The following KLLN variants were observed in gnomAD, a reference collection of about 807,000 sequenced individuals.
KLLN encodes the protein killin.
For missense variants in KLLN, 340 were observed against 241.3 expected, an observed-to-expected ratio of 1.41 and a Z score of -2.71; for synonymous variants, 142 against 102.2, an observed-to-expected ratio of 1.39 and a Z score of -2.35.
At position 87,862,440 on chromosome 10, in the gene KLLN, G is replaced by A. The variant is rs1280113902; in HGVS notation, c.48C>T (p.His16=). Residue 16 remains histidine, a synonymous_variant, in exon 1 of 1, where the codon CAC becomes CAT. Transcript: ENST00000445946. ...PGSARPGRTV[H]VWGYRVEWKV... ...TCCACTCAACCCGGTAACCCCAAAC[G>A]TGCACGGTCCGGCCGGGGCGCGCGG... is the stretch of plus-strand genomic sequence containing the variant. 16 of 1,551,248 alleles carry A rather than the reference G, an allele frequency of 1.0e-5. No homozygotes were observed. The highest frequency in any genetic ancestry group is 1.4e-5 in the Non-Finnish European group (16 of 1,146,852).
rs1244675683 is a variant in KLLN, at chr10:87,862,172, G to T, written c.316C>A (p.Pro106Thr). Residue 106 changes from proline (P) to threonine (T), a missense_variant, in exon 1 of 1, where the codon CCT (proline) becomes ACT (threonine). Pro to Thr is a conservative substitution (Grantham distance 38). Transcript: ENST00000445946. Reference protein sequence around the residue: ...LAWCRQRNPNPSCAAAETGAR... With the variant: ...LAWCRQRNPNTSCAAAETGAR... The stretch of plus-strand genomic sequence containing the variant: ...CCTGTTTCCGCCGCGGCGCAGGAAG[G>T]GTTGGGGTTCCGCTGCCTGCACCAG... 2 of 1,551,644 alleles carry T rather than the reference G, an allele frequency of 1.3e-6. No homozygotes were observed. Among genetic ancestry groups the T allele is most frequent in the East Asian group, 2.4e-5 (1 of 40,918 alleles).
At position 87,859,277 on chromosome 10, in the gene KLLN, GATT is replaced by G. The variant is rs936697394; in HGVS notation, c.*2671_*2673del. Reference sequence around the variant, plus strand: ...ACAATGGGTTTACATTCAATCCAATGATTATTATGTTTTTATATTCTGTATTAT... The same window carrying G: ...ACAATGGGTTTACATTCAATCCAATGATTATGTTTTTATATTCTGTATTAT... On this transcript the variant is annotated 3_prime_UTR_variant, in exon 1 of 1. Coordinates refer to ENST00000445946, the MANE Select transcript of KLLN (RefSeq NM_001126049.2). 46 of 152,116 alleles carry G rather than the reference GATT, an allele frequency of 3.0e-4. No individual in the cohort carries two copies. The highest frequency in any genetic ancestry group is 1.1e-3 in the African/African-American group (45 of 41,386). 9.4% of individuals were successfully genotyped at this position (152,116 alleles called of 1,614,324 possible). A position where few individuals can be genotyped will look rare whatever the true frequency, so the allele number is the denominator to read the frequency against.
rs1858300840 is a variant in KLLN at position 87,862,716 on chromosome 10, C to A, written c.-229G>T. 1 of 580,022 alleles carries A rather than the reference C, an allele frequency of 1.7e-6. No individual in the cohort carries two copies. Among genetic ancestry groups the A allele is most frequent in the Non-Finnish European group, 3.2e-6 (1 of 316,666 alleles). The allele number at this position is 580,022 out of a possible 1,614,324, so 35.9% of individuals were successfully genotyped here. On this transcript the variant is annotated 5_prime_UTR_variant, in exon 1 of 1. The change abolishes the stop of an existing upstream ORF in the 5' untranslated region. Transcript: ENST00000445946. ...CCTTTGGGCCCTTGAAATTCAACGG[C>A]TATGTGTTCACGTTCAGCACGCTCG...
In KLLN at chr10:87,863,165, T is replaced by A. The variant is rs938398318; in HGVS notation, c.-678A>T. 1 of 183,052 alleles carries A rather than the reference T, an allele frequency of 5.5e-6. No homozygotes were observed. The highest frequency in any genetic ancestry group is 2.4e-5 in the African/African-American group (1 of 41,928). The allele number at this position is 183,052 out of a possible 1,614,324, so 11.3% of individuals were successfully genotyped here. On this transcript the variant is annotated 5_prime_UTR_variant, in exon 1 of 1. The change creates a premature stop within an existing upstream ORF in the 5' untranslated region. Coordinates refer to ENST00000445946, the MANE Select transcript of KLLN (RefSeq NM_001126049.2). ...CTGCTCAACGCACCCATCTCAGCTT[T>A]CATCATCAGTCCTCCACCCCCGCCC...
rs1858266808 is a variant in KLLN, at chr10:87,862,035, C to T, written c.453G>A (p.Pro151=). 4.7e-6 allele frequency: 7 copies of T among 1,487,272 alleles called. No individual in the cohort carries two copies. The highest frequency in any genetic ancestry group is 6.3e-6 in the Non-Finnish European group (7 of 1,116,658). The allele number at this position is 1,487,272 out of a possible 1,614,324, so 92.1% of individuals were successfully genotyped here. The change falls in exon 1 of 1, where the codon CCG becomes CCA. Residue 151 remains proline, a synonymous_variant. Transcript: ENST00000445946. ...TCTCCCCGCGTTCTGTAAGAATCGG[C>T]GGCAGCCAGCAGGCGGGGAGGCGGG... ...TCPRLPACWL[P]PILTERGERV...
chr10:87,862,426 C>T lies in KLLN; in HGVS notation c.62G>A (p.Arg21Gln), dbSNP rs796122926. 3.7e-5 allele frequency: 58 copies of T among 1,551,624 alleles called. No individual in the cohort carries two copies. In the African/African-American group the frequency reaches 5.5e-4, roughly 15 times the overall value. Reference sequence around the variant, plus strand: ...ACCGTTCCGTACTTTCCACTCAACCCGGTAACCCCAAACGTGCACGGTCCG... The same window carrying T: ...ACCGTTCCGTACTTTCCACTCAACCTGGTAACCCCAAACGTGCACGGTCCG... ...PGRTVHVWGY[R>Q]VEWKVRNGRK... The change falls in exon 1 of 1, where the codon CGG becomes CAG. Residue 21 changes from arginine to glutamine, a missense_variant. Arg to Gln is a conservative substitution (Grantham distance 43, BLOSUM62 1). Transcript: ENST00000445946.
Position 87,863,031 on chromosome 10 carries a change from G to A in KLLN, c.-544C>T, listed in dbSNP as rs1021295884. On this transcript the variant is annotated 5_prime_UTR_variant, in exon 1 of 1. Coordinates refer to ENST00000445946, the MANE Select transcript of KLLN (RefSeq NM_001126049.2). Reference sequence around the variant, plus strand: ...TCTAGGGGTAGAGGCAAGGGGGGAGGGTATTCCCCTTGCAGGGACCGTCCC... The same window carrying A: ...TCTAGGGGTAGAGGCAAGGGGGGAGAGTATTCCCCTTGCAGGGACCGTCCC... The A allele has an allele frequency of 7.3e-5, 13 of 177,534 alleles. No individual in the cohort carries two copies. The highest frequency in any genetic ancestry group is 2.7e-5 in the Non-Finnish European group (2 of 73,678). 11.0% of individuals were successfully genotyped at this position (177,534 alleles called of 1,614,324 possible).
chr10:87,860,015 C>CAAAAAAAAAA lies in KLLN; in HGVS notation c.*1926_*1935dup. On this transcript the variant is annotated 3_prime_UTR_variant, in exon 1 of 1. Transcript: ENST00000445946. Reference sequence around the variant, plus strand: ...CACTCCAGCCTGTGAGACTCCGTCTCAAAAAAAAAAAAAAAAAAAGAAAAA... The same window carrying CAAAAAAAAAA: ...CACTCCAGCCTGTGAGACTCCGTCTCAAAAAAAAAAAAAAAAAAAAAAAAAAAAAGAAAAA... 2 of 34,316 alleles carry CAAAAAAAAAA rather than the reference C, an allele frequency of 5.8e-5. No individual in the cohort carries two copies. Among genetic ancestry groups the CAAAAAAAAAA allele is most frequent in the Non-Finnish European group, 1.3e-4 (2 of 15,180 alleles). The allele number at this position is 34,316 out of a possible 1,614,324, so 2.1% of individuals were successfully genotyped here.
the KLLN span, chr10:87,862,457 GGC>G: frequency 7.7e-6 from 12 of 1,549,948 alleles, no homozygotes; most frequent in East Asian, 2.4e-4. Flanking sequence ...GTCCGGCCGG[GGC>G]GCGCGGAGCC....
chr10:87,862,082 G>A lies in KLLN; in HGVS notation c.406C>T (p.His136Tyr). The change falls in exon 1 of 1, where the codon CAC becomes TAC. Residue 136 changes from histidine to tyrosine, a missense_variant. Coordinates refer to ENST00000445946, the MANE Select transcript of KLLN (RefSeq NM_001126049.2). ...GWRLGNWLHKHPHPNTCPRLP... is the reference protein window; with the variant it reads ...GWRLGNWLHKYPHPNTCPRLP... ...CGGGGGCACGTGTTTGGATGTGGGT[G>A]CTTGTGTAACCAGTTCCCCAAGCGC... The A allele has an allele frequency of 1.3e-6, 2 of 1,523,482 alleles. No homozygotes were observed. Among genetic ancestry groups the A allele is most frequent in the Non-Finnish European group, 1.8e-6 (2 of 1,132,250 alleles). 94.4% of individuals were successfully genotyped at this position (1,523,482 alleles called of 1,614,324 possible). A position where few individuals can be genotyped will look rare whatever the true frequency, so the allele number is the denominator to read the frequency against.
chr10:87,862,107 C>G lies in KLLN; in HGVS notation c.381G>C (p.Trp127Cys), dbSNP rs1482780471. The change falls in exon 1 of 1, where the codon TGG becomes TGC. Residue 127 changes from tryptophan (W) to cysteine (C), a missense_variant. Trp to Cys is a radical substitution (Grantham distance 215). Transcript: ENST00000445946. Reference sequence around the variant, plus strand: ...GCTTGTGTAACCAGTTCCCCAAGCGCCAGCCCCGACAGCGCTCCTTCGGGA... The same window carrying G: ...GCTTGTGTAACCAGTTCCCCAAGCGGCAGCCCCGACAGCGCTCCTTCGGGA... ...TSLPKERCRGWRLGNWLHKHP... is the reference protein window; with the variant it reads ...TSLPKERCRGCRLGNWLHKHP... The G allele has an allele frequency of 6.5e-7, 1 of 1,541,926 alleles. No individual in the cohort carries two copies. Among genetic ancestry groups the G allele is most frequent in the Non-Finnish European group, 8.8e-7 (1 of 1,141,692 alleles).
At position 87,863,093 on chromosome 10, in the gene KLLN, G is replaced by A. The variant is rs1188816916; in HGVS notation, c.-606C>T. 5.8e-6 allele frequency: 1 copy of A among 172,204 alleles called. No homozygotes were observed. Among genetic ancestry groups the A allele is most frequent in the Non-Finnish European group, 1.4e-5 (1 of 71,144 alleles). 10.7% of individuals were successfully genotyped at this position (172,204 alleles called of 1,614,324 possible). A position where few individuals can be genotyped will look rare whatever the true frequency, so the allele number is the denominator to read the frequency against. ...CTACACTGAGCAGCGTGGTCACCTG[G>A]TCCTTTTCACCTGTGCACAGGTAAC... On this transcript the variant is annotated 5_prime_UTR_variant, in exon 1 of 1. Transcript: ENST00000445946.
chr10:87,862,171 G>A lies in KLLN; in HGVS notation c.317C>T (p.Pro106Leu). ...CCCTGTTTCCGCCGCGGCGCAGGAA[G>A]GGTTGGGGTTCCGCTGCCTGCACCA... is the stretch of plus-strand genomic sequence containing the variant. ...LAWCRQRNPN[P>L]SCAAAETGAR... Residue 106 changes from proline to leucine, a missense_variant, in exon 1 of 1, where the codon CCT becomes CTT. Coordinates refer to ENST00000445946, the MANE Select transcript of KLLN (RefSeq NM_001126049.2). The A allele has an allele frequency of 6.4e-7, 1 of 1,551,608 alleles. No individual in the cohort carries two copies. Among genetic ancestry groups the A allele is most frequent in the Non-Finnish European group, 8.7e-7 (1 of 1,146,952 alleles).
chr10:87,862,029 A>G lies in KLLN; in HGVS notation c.459T>C (p.Ile153=). ...PRLPACWLPP[I]LTERGERVPK... ...GGACTCTCTCCCCGCGTTCTGTAAGAATCGGCGGCAGCCAGCAGGCGGGGA... is the reference window on the plus strand; with the variant it reads ...GGACTCTCTCCCCGCGTTCTGTAAGGATCGGCGGCAGCCAGCAGGCGGGGA... The change falls in exon 1 of 1, where the codon ATT becomes ATC. Residue 153 remains isoleucine (I), a synonymous_variant. Coordinates refer to ENST00000445946, the MANE Select transcript of KLLN (RefSeq NM_001126049.2). The G allele has an allele frequency of 1.3e-6, 2 of 1,486,706 alleles. No homozygotes were observed. Among genetic ancestry groups the G allele is most frequent in the African/African-American group, 1.4e-5 (1 of 70,908 alleles). 92.1% of individuals were successfully genotyped at this position (1,486,706 alleles called of 1,614,324 possible).
chr10:87,863,294 G>A lies in KLLN; in HGVS notation c.-807C>T, dbSNP rs2132139464. The stretch of plus-strand genomic sequence containing the variant: ...TGCAAAAGCCGCAGCAAGTGCAGCT[G>A]CAGGCTGGCGGCTGGGAACCGGCCC... On this transcript the variant is annotated 5_prime_UTR_variant, in exon 1 of 1. Transcript: ENST00000445946. The A allele has an allele frequency of 3.9e-6, 1 of 258,522 alleles. No individual in the cohort carries two copies. Among genetic ancestry groups the A allele is most frequent in the Non-Finnish European group, 7.9e-6 (1 of 126,484 alleles). The allele number at this position is 258,522 out of a possible 1,614,324, so 16.0% of individuals were successfully genotyped here. A position where few individuals can be genotyped will look rare whatever the true frequency, so the allele number is the denominator to read the frequency against.
chr10:87,861,809 AAG>A lies in KLLN; in HGVS notation c.*140_*141del. On this transcript the variant is annotated 3_prime_UTR_variant, in exon 1 of 1. Transcript: ENST00000445946. ...CTGGGCTGCAGCAGGAGATACCCTC[AAG>A]CACAGAACCAAAAGGGTTCACCCTA... 1 of 693,056 alleles carries A rather than the reference AAG, an allele frequency of 1.4e-6. No homozygotes were observed. The highest frequency in any genetic ancestry group is 3.1e-5 in the South Asian group (1 of 31,830). 42.9% of individuals were successfully genotyped at this position (693,056 alleles called of 1,614,324 possible).
Position 87,862,449 on chromosome 10 carries a change from C to A in KLLN, c.39G>T (p.Arg13=), listed in dbSNP as rs778493831. The change falls in exon 1 of 1, where the codon CGG becomes CGT. Residue 13 remains arginine (R), a synonymous_variant. Transcript: ENST00000445946. ...RPGPGSARPG[R]TVHVWGYRVE... ...CCCGGTAACCCCAAACGTGCACGGT[C>A]CGGCCGGGGCGCGCGGAGCCTGGCC... The A allele has an allele frequency of 6.8e-5, 106 of 1,550,364 alleles. 1 individual carries two copies. The South Asian group carries it at 1.2e-3, about 18-fold the overall frequency.
rs5786795 is a variant in KLLN at position 87,860,015 on chromosome 10, C to CAAAAAAAAAAAAAAAAA, written c.*1919_*1935dup. 4 of 34,320 alleles carry CAAAAAAAAAAAAAAAAA rather than the reference C, an allele frequency of 1.2e-4. No homozygotes were observed. The highest frequency in any genetic ancestry group is 2.8e-4 in the Admixed American group (1 of 3,556). The allele number at this position is 34,320 out of a possible 1,614,324, so 2.1% of individuals were successfully genotyped here. On this transcript the variant is annotated 3_prime_UTR_variant, in exon 1 of 1. Transcript: ENST00000445946. ...CACTCCAGCCTGTGAGACTCCGTCT[C>CAAAAAAAAAAAAAAAAA]AAAAAAAAAAAAAAAAAAAGAAAAA...
Position 87,862,425 on chromosome 10 carries a change from C to T in KLLN, c.63G>A (p.Arg21=). The change falls in exon 1 of 1, where the codon CGG becomes CGA. Residue 21 remains arginine, a synonymous_variant. Transcript: ENST00000445946. The stretch of plus-strand genomic sequence containing the variant: ...TACCGTTCCGTACTTTCCACTCAAC[C>T]CGGTAACCCCAAACGTGCACGGTCC... ...PGRTVHVWGY[R]VEWKVRNGRK... The T allele has an allele frequency of 6.4e-7, 1 of 1,551,640 alleles. No individual in the cohort carries two copies. Among genetic ancestry groups the T allele is most frequent in the South Asian group, 1.2e-5 (1 of 84,064 alleles).
Sources: allele counts gnomAD v4.1 joint callset, GRCh38; gene constraint gnomAD v4.1.1; transcripts MANE v1.5; gene names NCBI Gene and HGNC (gene_info 2026-07-23, HGNC 2026-07-21).